Variants in RGS8 observed in about 807,000 individuals in gnomAD.
RGS8 encodes the protein regulator of G protein signaling 8.
Under a neutral mutation model 21.7 loss-of-function variants are expected in RGS8, and 8 were observed. The ratio of observed to expected loss-of-function variants is 0.37; its 90% confidence interval spans 0.22 to 0.66. RGS8 has a LOEUF of 0.66. Ranked by LOEUF, RGS8 falls within the 30% of genes least tolerant of loss-of-function variation. RGS8 has a pLI of 0.59. For missense variants in RGS8, 157 were observed against 217.9 expected (o/e 0.72, Z 1.76); for synonymous variants, 80 against 83.6 (o/e 0.96, Z 0.24).
chr1:182,667,110 A>T (rs1004426909), intron 3 of RGS8, 137 bp from the exon 5 acceptor site: 4 of 687,112 alleles, frequency 5.8e-6, no homozygotes, highest in Non-Finnish European at 1.0e-5. Flanking sequence ...TGAAGACTTC[A>T]TGAACAGGAA....
At chr1:182,746,473 C>T in the RGS8 span, among the ~76,000 whole-genome samples, 3 of 152,018 alleles carry the variant, frequency 2.0e-5, no homozygotes, top group Admixed American at 6.6e-5. Flanking sequence ...TCAAGACCAC[C>T]CTGGCCAACA....
chr1:182,739,289 C>T, the RGS8 span, among the ~76,000 whole-genome samples: 5 of 152,130 alleles, frequency 3.3e-5, no homozygotes, highest in African/African-American at 9.7e-5. Context: ...AGAAAAAGAA[C>T]CCAAAAGATG....
At chr1:182,720,247 A>G in the RGS8 span, among the ~76,000 whole-genome samples, 1 of 152,158 alleles carries the variant, frequency 6.6e-6, no homozygotes, top group Non-Finnish European at 1.5e-5. Flanking sequence ...AAAAGTTGCA[A>G]ATAGGTTTTT....
upstream of RGS8, chr1:182,672,940 G>T: frequency 7.9e-7 from 1 of 1,269,942 alleles, no homozygotes; most frequent in Non-Finnish European, 1.2e-6. Flanking sequence ...CACCTGAGAA[G>T]TATCAGAAAT....
At chr1:182,728,297 T>C in the RGS8 span, among the ~76,000 whole-genome samples, 1 of 152,216 alleles carries the variant, frequency 6.6e-6, no homozygotes, top group Non-Finnish European at 1.5e-5. Flanking sequence ...CCATGAAGGA[T>C]GTGGTCTAAA....
chr1:182,646,637 C>T lies in RGS8; in HGVS notation c.*98G>A, dbSNP rs115884480. 281 of 1,174,514 alleles carry T rather than the reference C, an allele frequency of 2.4e-4. No homozygotes were observed. In the African/African-American group the frequency reaches 3.3e-3, roughly 14 times the overall value. 72.8% of individuals were successfully genotyped at this position (1,174,514 alleles called of 1,614,324 possible). ...ACCCCCAGCCTCCCACCCCCAATGC[C>T]ACCGCTTTTGAACACCTATGACATT... On this transcript the variant is annotated 3_prime_UTR_variant, in exon 7 of 7. Transcript: ENST00000483095.
chr1:182,736,368 T>C, the RGS8 span, among the ~76,000 whole-genome samples: 1 of 152,352 alleles, frequency 6.6e-6, no homozygotes, highest in Admixed American at 6.5e-5. Context: ...GAGTGGGGAA[T>C]AGTGTTTAGG....
downstream of RGS8, chr1:182,643,172 T>A (rs1662540518): frequency 6.6e-6 from 1 of 152,180 alleles, no homozygotes; most frequent in Non-Finnish European, 1.5e-5. Flanking sequence ...AACACCTTTA[T>A]CTCAAAGGAG....
At chr1:182,681,674 C>T (rs112234666) in intron 1 of RGS8, among the ~76,000 whole-genome samples, 14 of 152,354 alleles carry the variant, frequency 9.2e-5, no homozygotes, top group Admixed American at 5.9e-4. Flanking sequence ...ACTGAGAGCA[C>T]TCAGTGAGAC....
chr1:182,728,434 T>C, the RGS8 span, among the ~76,000 whole-genome samples: 4 of 152,212 alleles, frequency 2.6e-5, no homozygotes, highest in Admixed American at 2.6e-4. Context: ...CCACTCTAGC[T>C]AGCACAAGTA....
intron 5 of RGS8, among the ~76,000 whole-genome samples, chr1:182,655,622 AC>A (rs1216346565): frequency 1.3e-5 from 2 of 152,140 alleles, no homozygotes; most frequent in African/African-American, 4.8e-5. Context: ...CCTATCATTA[AC>A]TGTGTGACTT....
the RGS8 span, among the ~76,000 whole-genome samples, chr1:182,693,889 G>T: frequency 6.6e-6 from 1 of 152,094 alleles, no homozygotes; most frequent in Non-Finnish European, 1.5e-5. Context: ...CAAGTGCCAC[G>T]TGTTCTCAAT....
intron 1 of RGS8, among the ~76,000 whole-genome samples, chr1:182,682,908 A>T (rs1664583532): frequency 1.3e-5 from 2 of 152,202 alleles, no homozygotes; most frequent in Admixed American, 6.5e-5. Context: ...CTAAGGAACC[A>T]TGTTCTCCAG....
the RGS8 span, among the ~76,000 whole-genome samples, chr1:182,707,477 A>G: frequency 2.0e-5 from 3 of 152,316 alleles, no homozygotes; most frequent in Non-Finnish European, 4.4e-5. Context: ...TTTTATTTTA[A>G]TATTTGTCAA....
the RGS8 span, among the ~76,000 whole-genome samples, chr1:182,707,702 G>GTTTGC: frequency 6.6e-6 from 1 of 152,038 alleles, no homozygotes; most frequent in Non-Finnish European, 1.5e-5. Context: ...ATTTTTGTTT[G>GTTTGC]TTTGTTTTGT....
the RGS8 span, among the ~76,000 whole-genome samples, chr1:182,700,592 C>T: frequency 1.3e-5 from 2 of 152,200 alleles, no homozygotes; most frequent in Non-Finnish European, 2.9e-5. Flanking sequence ...TTCTAATTCC[C>T]ATAGCTTTCA....
At chr1:182,711,430 C>T in the RGS8 span, among the ~76,000 whole-genome samples, 1 of 152,308 alleles carries the variant, frequency 6.6e-6, no homozygotes, top group African/African-American at 2.4e-5. Flanking sequence ...TCAGCAAATA[C>T]TTTACCTGCA....
chr1:182,685,012 A>G (rs1487447357), upstream of RGS8, among the ~76,000 whole-genome samples: 1 of 152,094 alleles, frequency 6.6e-6, no homozygotes, highest in Non-Finnish European at 1.5e-5. Flanking sequence ...TTCCTAACCA[A>G]CAAGGCCACT....
chr1:182,651,576 A>G (rs997243286), intron 5 of RGS8, among the ~76,000 whole-genome samples: 3 of 152,240 alleles, frequency 2.0e-5, no homozygotes, highest in African/African-American at 4.8e-5. Context: ...TCGAAAAATC[A>G]TAAGTTGAAC....
Sources: gnomAD v4.1 joint callset for allele counts (sites outside exome capture counted in the v4.1 genomes callset) on GRCh38, gnomAD v4.1.1 for gene constraint, MANE v1.5 for transcripts, NCBI Gene and HGNC (gene_info 2026-07-23, HGNC 2026-07-21) for gene names.